ALMS1: variants seen among roughly 807,000 people sequenced by gnomAD.
ALMS1 encodes the protein ALMS1 centrosome and basal body associated protein, also known as centrosome-associated protein ALMS1.
In ALMS1, 271 loss-of-function variants were observed where a neutral mutation model predicts 352.2. That is an observed-to-expected ratio of 0.77 (90% confidence interval 0.70 to 0.85). ALMS1 has a LOEUF of 0.85. Ranked by LOEUF, ALMS1 falls within the 40% of genes least tolerant of loss-of-function variation. The pLI, the probability that ALMS1 is intolerant of heterozygous loss-of-function variation, is 0.00. For synonymous variants in ALMS1, 1,865 were observed against 1,761.2 expected (o/e 1.06, Z -1.48); for missense variants, 5,445 against 4,870.7 (o/e 1.12, Z -3.51).
intron 1 of ALMS1, among the ~76,000 whole-genome samples, chr2:73,394,987 T>G (rs1670723580): frequency 7.2e-6 from 1 of 138,718 alleles, no homozygotes; most frequent in Admixed American, 8.2e-5. Context: ...TACATATATA[T>G]GTGTATATAT....
chr2:73,446,383 T>A (rs1480912292), intron 7 of ALMS1, among the ~76,000 whole-genome samples: 1 of 152,196 alleles, frequency 6.6e-6, no homozygotes, highest in African/African-American at 2.4e-5. Context: ...TCTGTTTTGG[T>A]TTATTAGCTT....
intron 16 of ALMS1, among the ~76,000 whole-genome samples, chr2:73,588,534 C>T (rs1040468812): frequency 6.6e-6 from 1 of 152,022 alleles, no homozygotes; most frequent in Non-Finnish European, 1.5e-5. Flanking sequence ...TCTTTCCTGT[C>T]TCCCTTCTGC....
intron 16 of ALMS1, among the ~76,000 whole-genome samples, chr2:73,591,536 A>G (rs540782234): frequency 6.6e-6 from 1 of 152,350 alleles, no homozygotes; most frequent in East Asian, 1.9e-4. Context: ...TGGACACCTT[A>G]TAAAAATTGA....
chr2:73,586,761 A>G (rs896535955), intron 16 of ALMS1, among the ~76,000 whole-genome samples: 2 of 151,944 alleles, frequency 1.3e-5, no homozygotes, highest in Non-Finnish European at 2.9e-5. Flanking sequence ...GAATTTTAGG[A>G]TTGTTTTTTC....
chr2:73,386,196 A>G lies in ALMS1; in HGVS notation c.324+4A>G, dbSNP rs1553396304. The G allele has an allele frequency of 3.9e-6, 6 of 1,530,638 alleles. No homozygotes were observed. Among genetic ancestry groups the G allele is most frequent in the East Asian group, 2.5e-5 (1 of 39,864 alleles). 94.8% of individuals were successfully genotyped at this position (1,530,638 alleles called of 1,614,324 possible). On this transcript the variant is annotated splice_donor_region_variant and intron_variant, in intron 1 of 22. Transcript: ENST00000613296. ...CGAGCGGACCTCCCTGGAGAAGGTG[A>G]GGCGGGCCGGGGAGGGGTGTGGAGC...
chr2:73,409,290 T>G (rs995636452), intron 2 of ALMS1, among the ~76,000 whole-genome samples: 1 of 152,078 alleles, frequency 6.6e-6, no homozygotes, highest in Non-Finnish European at 1.5e-5. Flanking sequence ...GTTTAAAAAT[T>G]TTTTATAGAG....
At chr2:73,405,684 T>A (rs894838607) in intron 1 of ALMS1, among the ~76,000 whole-genome samples, 11 of 151,660 alleles carry the variant, frequency 7.3e-5, no homozygotes, top group Admixed American at 6.6e-4. Context: ...TTTTTTTTTT[T>A]AAATATAGGC....
intron 12 of ALMS1, among the ~76,000 whole-genome samples, chr2:73,539,487 C>T (rs547338846): frequency 1.4e-4 from 22 of 152,116 alleles, no homozygotes; most frequent in Non-Finnish European, 2.6e-4. Flanking sequence ...TCCAAAGGAA[C>T]GTAGCTCCTC....
chr2:73,538,611 G>A (rs1674085373), intron 12 of ALMS1, among the ~76,000 whole-genome samples: 1 of 152,150 alleles, frequency 6.6e-6, no homozygotes, highest in African/African-American at 2.4e-5. Context: ...GAAGCGCAAG[G>A]GGTCATGGAA....
chr2:73,429,967 T>G (rs893357499), intron 6 of ALMS1, among the ~76,000 whole-genome samples: 1 of 152,184 alleles, frequency 6.6e-6, no homozygotes, highest in Non-Finnish European at 1.5e-5. Flanking sequence ...GAATCTTGAT[T>G]TCTGTTTTCT....
intron 16 of ALMS1, among the ~76,000 whole-genome samples, chr2:73,583,201 T>G (rs1185472079): frequency 6.6e-6 from 1 of 151,952 alleles, no homozygotes; most frequent in Non-Finnish European, 1.5e-5. Context: ...TTTTACTTTT[T>G]TTTTTTTTTA....
At chr2:73,478,741 T>C (rs1247369987) in intron 9 of ALMS1, among the ~76,000 whole-genome samples, 1 of 152,130 alleles carries the variant, frequency 6.6e-6, no homozygotes, top group African/African-American at 2.4e-5. Context: ...TACACAGGTA[T>C]ACATGTGCCA....
intron 16 of ALMS1, among the ~76,000 whole-genome samples, chr2:73,590,981 T>C (rs1675421633): frequency 6.6e-6 from 1 of 152,048 alleles, no homozygotes; most frequent in South Asian, 2.1e-4. Context: ...CGGCCCCTTT[T>C]TTTTCTTTTT....
chr2:73,557,461 T>C (rs1674571064), intron 14 of ALMS1, 107 bp downstream of exon 14: 1 of 1,378,318 alleles, frequency 7.3e-7, no homozygotes, highest in South Asian at 1.2e-5. Flanking sequence ...CTTCTTGCTG[T>C]CTTCAGCTCT....
At chr2:73,602,857 A>G (rs1379437534) in intron 20 of ALMS1, among the ~76,000 whole-genome samples, 1 of 152,350 alleles carries the variant, frequency 6.6e-6, no homozygotes, top group Middle Eastern at 3.4e-3. Flanking sequence ...TGACATACCT[A>G]GTAAGTAAAA....
At chr2:73,467,199 C>G (rs1209292440) in intron 9 of ALMS1, among the ~76,000 whole-genome samples, 1 of 152,054 alleles carries the variant, frequency 6.6e-6, no homozygotes, top group Non-Finnish European at 1.5e-5. Context: ...AGTGAAAAGT[C>G]AAGCTACACA....
chr2:73,488,297 G>T (rs1007606591), intron 9 of ALMS1, among the ~76,000 whole-genome samples: 1 of 152,250 alleles, frequency 6.6e-6, no homozygotes, highest in Non-Finnish European at 1.5e-5. Flanking sequence ...GGCGGCAGGG[G>T]GCTGGTGTGA....
intron 16 of ALMS1, among the ~76,000 whole-genome samples, chr2:73,583,498 T>C (rs1027575153): frequency 6.6e-6 from 1 of 152,222 alleles, no homozygotes; most frequent in African/African-American, 2.4e-5. Context: ...TTTTTAAGTT[T>C]AGTGTGGTCC....
intron 10 of ALMS1, among the ~76,000 whole-genome samples, chr2:73,510,514 A>T (rs1475845269): frequency 6.6e-6 from 1 of 152,120 alleles, no homozygotes; most frequent in Non-Finnish European, 1.5e-5. Context: ...TCCACTCCAG[A>T]CCCTGTTTGC....
Sources: allele counts gnomAD v4.1 joint callset (sites outside exome capture counted in the v4.1 genomes callset), GRCh38; gene constraint gnomAD v4.1.1; transcripts MANE v1.5; gene names NCBI Gene and HGNC (gene_info 2026-07-23, HGNC 2026-07-21).